Variants in UBL3 observed in about 807,000 individuals in gnomAD.
UBL3 encodes ubiquitin like 3.
UBL3 carries 6 observed loss-of-function variants against 18.4 expected under a neutral mutation model. The ratio of observed to expected loss-of-function variants is 0.33; its 90% CI spans 0.18 to 0.64. UBL3 has a LOEUF of 0.64. UBL3 is among the 30% of genes least tolerant of loss of function. UBL3 has a pLI of 0.76. For missense variants in UBL3, 109 were observed against 142.9 expected, an observed-to-expected ratio of 0.76 and a Z score of 1.21; for synonymous variants, 49 against 46.6, an observed-to-expected ratio of 1.05 and a Z score of -0.21.
chr13:29,788,838 AGTGTGTGTGTGT>A lies in UBL3; in HGVS notation c.28-11587_28-11576del, dbSNP rs58898742. The stretch of plus-strand genomic sequence containing the variant: ...GAATGGAGGTAGGGCTTAATGGGGA[AGTGTGTGTGTGT>A]GTGTGTGTGTGTGTGTGTGTGCGCG... On this transcript the variant is annotated intron_variant, in intron 1 of 4. Transcript: ENST00000380680. 9.9e-3 allele frequency among the ~76,000 whole-genome samples: 1,363 copies of A among 138,230 alleles called. 20 individuals carry two copies. Among genetic ancestry groups the A allele is most frequent in the African/African-American group, 0.035 (1,286 of 36,814 alleles). The allele number at this position is 138,230 out of a possible 152,430, so 90.7% of individuals were successfully genotyped here. A position where few individuals can be genotyped will look rare whatever the true frequency, so the allele number is the denominator to read the frequency against.
At chr13:29,813,132 T>C (rs890854127) in intron 1 of UBL3, among the ~76,000 whole-genome samples, 4 of 152,028 alleles carry the variant, frequency 2.6e-5, no homozygotes, top group African/African-American at 9.7e-5. Flanking sequence ...CAGACTTCAG[T>C]GTCAGGAAAA....
At chr13:29,785,897 G>C (rs1003831032) in intron 1 of UBL3, among the ~76,000 whole-genome samples, 23 of 152,108 alleles carry the variant, frequency 1.5e-4, no homozygotes, top group African/African-American at 5.6e-4. Flanking sequence ...TTTGCTGGAC[G>C]AATTTTAAAA....
chr13:29,766,035 T>C lies in UBL3; in HGVS notation c.*1220A>G, dbSNP rs1377976554. On this transcript the variant is annotated 3_prime_UTR_variant, in exon 5 of 5. Transcript: ENST00000380680. ...TCTTTTATTAAATATATTCTACACATATTTGTAATTTCATCCAGGAAGAAT... is the reference window on the plus strand; with the variant it reads ...TCTTTTATTAAATATATTCTACACACATTTGTAATTTCATCCAGGAAGAAT... The C allele has an allele frequency of 1.3e-5, 2 of 152,586 alleles. No homozygotes were observed. Among genetic ancestry groups the C allele is most frequent in the African/African-American group, 4.8e-5 (2 of 41,450 alleles). The allele number at this position is 152,586 out of a possible 1,614,324, so 9.5% of individuals were successfully genotyped here.
intron 1 of UBL3, among the ~76,000 whole-genome samples, chr13:29,827,143 G>T (rs1484027759): frequency 1.3e-5 from 2 of 152,238 alleles, no homozygotes; most frequent in Admixed American, 6.5e-5. Context: ...ATGTGGTGCT[G>T]AGAAGAATGT....
chr13:29,848,280 CAAAAAA>C (rs11372209), intron 1 of UBL3, among the ~76,000 whole-genome samples: 34 of 68,318 alleles, frequency 5.0e-4, no homozygotes, highest in African/African-American at 1.6e-3. Context: ...CCTGTCTCCA[CAAAAAA>C]AAAAAAAAAA....
chr13:29,829,117 A>T (rs575488604), intron 1 of UBL3, among the ~76,000 whole-genome samples: 1 of 152,204 alleles, frequency 6.6e-6, no homozygotes, highest in South Asian at 2.1e-4. Context: ...GGTGCCTCCC[A>T]GTAGGCTACT....
intron 1 of UBL3, among the ~76,000 whole-genome samples, chr13:29,825,064 A>G (rs1041328192): frequency 1.3e-5 from 2 of 152,138 alleles, no homozygotes; most frequent in African/African-American, 2.4e-5. Flanking sequence ...CCATTGGTCT[A>G]TATCTCTGTT....
intron 1 of UBL3, chr13:29,777,494 A>G (rs1385492618): frequency 1.6e-6 from 1 of 629,922 alleles, no homozygotes; most frequent in Admixed American, 1.8e-5. Flanking sequence ...GCCATAATAA[A>G]TGAACAAAGG....
intron 1 of UBL3, among the ~76,000 whole-genome samples, chr13:29,780,379 T>C (rs1328314215): frequency 2.6e-4 from 24 of 90,746 alleles, no homozygotes; most frequent in African/African-American, 8.5e-4. Context: ...TATATATATA[T>C]ATATATATAT....
intron 1 of UBL3, among the ~76,000 whole-genome samples, chr13:29,837,921 T>C (rs1878999252): frequency 1.3e-5 from 2 of 148,380 alleles, no homozygotes; most frequent in African/African-American, 4.9e-5. Flanking sequence ...GTCTCAATAA[T>C]AATAATAATA....
At chr13:29,821,811 A>T (rs1352570879) in intron 1 of UBL3, among the ~76,000 whole-genome samples, 1 of 152,214 alleles carries the variant, frequency 6.6e-6, no homozygotes, top group East Asian at 1.9e-4. Context: ...ACAAAATATG[A>T]ATTATCTGAC....
At chr13:29,797,693 C>T (rs1346652642) in intron 1 of UBL3, among the ~76,000 whole-genome samples, 1 of 152,150 alleles carries the variant, frequency 6.6e-6, no homozygotes, top group Non-Finnish European at 1.5e-5. Flanking sequence ...AGTTCTAAGT[C>T]TTAAAACTGT....
At chr13:29,792,116 A>C (rs1287134777) in intron 1 of UBL3, among the ~76,000 whole-genome samples, 1 of 152,236 alleles carries the variant, frequency 6.6e-6, no homozygotes, top group Non-Finnish European at 1.5e-5. Context: ...GCTTGAAAAA[A>C]GTAGGTATTT....
intron 3 of UBL3, among the ~76,000 whole-genome samples, chr13:29,768,735 C>T (rs1454610819): frequency 1.3e-5 from 2 of 151,998 alleles, no homozygotes; most frequent in African/African-American, 2.4e-5. Context: ...AAATGAAGCA[C>T]GATGGCCCAT....
intron 2 of UBL3, among the ~76,000 whole-genome samples, chr13:29,776,233 GT>G (rs964783505): frequency 3.3e-4 from 44 of 131,852 alleles, no homozygotes; most frequent in African/African-American, 1.1e-3. Context: ...ACTATTTTGT[GT>G]TTTTTTTTCT....
chr13:29,797,620 G>A (rs137956127), intron 1 of UBL3, among the ~76,000 whole-genome samples: 9 of 152,150 alleles, frequency 5.9e-5, no homozygotes, highest in Admixed American at 3.3e-4. Flanking sequence ...GGCACATTAC[G>A]TAAGTGTTGA....
At chr13:29,799,584 T>C (rs772491905) in intron 1 of UBL3, among the ~76,000 whole-genome samples, 1 of 152,192 alleles carries the variant, frequency 6.6e-6, no homozygotes, top group Non-Finnish European at 1.5e-5. Flanking sequence ...GTAACAAAAA[T>C]AGAACTTTTT....
chr13:29,828,211 T>C (rs971551134), intron 1 of UBL3, among the ~76,000 whole-genome samples: 2 of 152,194 alleles, frequency 1.3e-5, no homozygotes, highest in Non-Finnish European at 2.9e-5. Context: ...ATTTCCTGAA[T>C]TTGAATGTTG....
intron 1 of UBL3, among the ~76,000 whole-genome samples, chr13:29,780,367 A>AAAAAT (rs1359464345): frequency 9.7e-6 from 1 of 103,338 alleles, no homozygotes; most frequent in African/African-American, 4.0e-5. Context: ...AAAAAAAAAA[A>AAAAAT]ATATATATAT....
Sources: gnomAD v4.1 joint callset for allele counts (sites outside exome capture counted in the v4.1 genomes callset) on GRCh38, gnomAD v4.1.1 for gene constraint, MANE v1.5 for transcripts, NCBI Gene and HGNC (gene_info 2026-07-23, HGNC 2026-07-21) for gene names.